The following RNF130 variants were observed in gnomAD, a reference collection of about 807,000 sequenced individuals.
RNF130 encodes ring finger protein 130.
RNF130 carries 21 observed loss-of-function variants against 44.6 expected under a neutral mutation model. The observed-to-expected ratio is 0.47, with a 90% CI of 0.33 to 0.68. RNF130 has a LOEUF of 0.68. Ranked by LOEUF, RNF130 falls within the 30% of genes least tolerant of loss-of-function variation. RNF130 has a pLI of 0.02. For synonymous variants in RNF130, 214 were observed against 210.4 expected, an observed-to-expected ratio of 1.02 and a Z score of -0.15; for missense variants, 479 against 560.6, an observed-to-expected ratio of 0.85 and a Z score of 1.47.
intron 3 of RNF130, among the ~76,000 whole-genome samples, chr5:179,983,427 A>C (rs1412802959): frequency 6.6e-6 from 1 of 151,884 alleles, no homozygotes; most frequent in Admixed American, 6.6e-5. Context: ...TACCTTTCTA[A>C]ATCTGTCAAA....
chr5:179,990,053 C>T (rs1763043532), intron 3 of RNF130, among the ~76,000 whole-genome samples: 1 of 152,018 alleles, frequency 6.6e-6, no homozygotes, highest in Admixed American at 6.6e-5. Flanking sequence ...GGGTTTTTCT[C>T]CCCATGTGTG....
intron 1 of RNF130, among the ~76,000 whole-genome samples, chr5:180,045,780 A>G (rs1344613637): frequency 6.6e-6 from 1 of 152,102 alleles, no homozygotes; most frequent in Non-Finnish European, 1.5e-5. Context: ...CCAAGTCCCC[A>G]CCAGATTAGC....
chr5:179,985,547 C>G (rs894205992), intron 3 of RNF130, among the ~76,000 whole-genome samples: 7 of 152,044 alleles, frequency 4.6e-5, no homozygotes, highest in African/African-American at 7.2e-5. Flanking sequence ...TATCCAATAT[C>G]AAAAAAACGT....
At chr5:179,925,023 G>A (rs945232002) in intron 7 of RNF130, among the ~76,000 whole-genome samples, 10 of 152,172 alleles carry the variant, frequency 6.6e-5, no homozygotes, top group African/African-American at 2.4e-4. Flanking sequence ...ATGAATTAAA[G>A]CTATCTGCCA....
At position 179,998,108 on chromosome 5, in the gene RNF130, C is replaced by A. The variant is rs767194554; in HGVS notation, c.693+14953G>T. On this transcript the variant is annotated intron_variant, in intron 3 of 8. Coordinates refer to ENST00000521389, the MANE Select transcript of RNF130 (RefSeq NM_018434.6). The stretch of plus-strand genomic sequence containing the variant: ...GCCACCTTGGCCTCCCAAAGTGCTG[C>A]GATTAGAGGCGTGAGCCACTGTGCT... Among the ~76,000 whole-genome samples the A allele has an allele frequency of 2.6e-5, 4 of 152,096 alleles. No individual in the cohort carries two copies. In the South Asian group the frequency reaches 8.3e-4, roughly 32 times the overall value.
chr5:180,012,169 C>T (rs1163347293), intron 3 of RNF130, among the ~76,000 whole-genome samples: 2 of 152,148 alleles, frequency 1.3e-5, no homozygotes, highest in Admixed American at 6.6e-5. Flanking sequence ...GGGATGTGAG[C>T]TGAGACCTGT....
intron 3 of RNF130, among the ~76,000 whole-genome samples, chr5:179,988,654 A>C (rs10070664): frequency 0.14 from 22,002 of 152,138 alleles, 3,877 homozygotes; most frequent in African/African-American, 0.42. Context: ...ATATTCATCA[A>C]CCTTATGGCA....
intron 3 of RNF130, among the ~76,000 whole-genome samples, chr5:179,982,973 G>A (rs541521521): frequency 2.0e-5 from 3 of 152,108 alleles, no homozygotes; most frequent in Non-Finnish European, 4.4e-5. Flanking sequence ...TGTCTGTGGT[G>A]AAGTGTCTGT....
chr5:179,977,296 G>T lies in RNF130; in HGVS notation c.848+907C>A, dbSNP rs186793306. 1.3e-5 allele frequency: 2 copies of T among 152,414 alleles called. No individual in the cohort carries two copies. Among genetic ancestry groups the T allele is most frequent in the South Asian group, 2.1e-4 (1 of 4,824 alleles). 9.4% of individuals were successfully genotyped at this position (152,414 alleles called of 1,614,324 possible). Reference sequence around the variant, plus strand: ...TTCCATTTTGCATAATCCAGGTTTAGAAAAAGATTTAATCCAAGTCCCTGG... The same window carrying T: ...TTCCATTTTGCATAATCCAGGTTTATAAAAAGATTTAATCCAAGTCCCTGG... On this transcript the variant is annotated intron_variant, in intron 5 of 8. Coordinates refer to ENST00000521389, the MANE Select transcript of RNF130 (RefSeq NM_018434.6). This position sits in a 1 kb window ranked among gnomAD's most constrained non-coding sequence, Gnocchi z 4.1.
rs547423657 is a variant in RNF130 at position 179,929,635 on chromosome 5, C to T, written c.1151-9209G>A. The stretch of plus-strand genomic sequence containing the variant: ...TGGGGGTGCATGCCTGTAGTCCCAG[C>T]TATTCAGGAGGCTGAGGTGGGAGGA... On this transcript the variant is annotated intron_variant, in intron 7 of 7. Transcript: ENST00000522208. Among the ~76,000 whole-genome samples the T allele has an allele frequency of 1.4e-4, 22 of 152,178 alleles. No homozygotes were observed. The East Asian group carries it at 3.1e-3, about 21-fold the overall frequency.
intron 3 of RNF130, among the ~76,000 whole-genome samples, chr5:179,994,091 G>C (rs1460672459): frequency 2.0e-5 from 3 of 152,174 alleles, no homozygotes; most frequent in Non-Finnish European, 4.4e-5. Flanking sequence ...CTATATCTCT[G>C]TTTTGGTACC....
intron 2 of RNF130, among the ~76,000 whole-genome samples, chr5:180,017,708 A>T (rs1311390578): frequency 6.6e-6 from 1 of 152,220 alleles, no homozygotes; most frequent in Non-Finnish European, 1.5e-5. Flanking sequence ...TAATGAGGAA[A>T]AAAAGTGGGA....
At chr5:180,026,569 C>T (rs1015243122) in intron 2 of RNF130, among the ~76,000 whole-genome samples, 10 of 152,262 alleles carry the variant, frequency 6.6e-5, no homozygotes, top group African/African-American at 1.4e-4. Context: ...CTGGAACAGA[C>T]GTCCTTCAGT....
intron 2 of RNF130, among the ~76,000 whole-genome samples, chr5:180,028,215 C>T (rs1463166364): frequency 6.6e-6 from 1 of 152,188 alleles, no homozygotes; most frequent in Non-Finnish European, 1.5e-5. Flanking sequence ...TCTCTGACCC[C>T]TTGGACCTAA....
At chr5:179,969,459 A>C (rs1407380047) in intron 6 of RNF130, among the ~76,000 whole-genome samples, 2 of 152,052 alleles carry the variant, frequency 1.3e-5, no homozygotes, top group African/African-American at 2.4e-5. Flanking sequence ...TTATGACTGG[A>C]ACAGAGTCAA....
chr5:180,013,953 C>G (rs1212319117), intron 2 of RNF130, among the ~76,000 whole-genome samples: 1 of 152,224 alleles, frequency 6.6e-6, no homozygotes, highest in Non-Finnish European at 1.5e-5. Flanking sequence ...ACATCTGAAA[C>G]TAACTTGGGT....
In RNF130 at chr5:179,961,875, G is replaced by A. The variant is rs183389504; in HGVS notation, c.1244+1596C>T. ...GTCATCTGACTCACACAACTTCAAT[G>A]GCACTGCAGTGGCATTGGCTTGGCT... On this transcript the variant is annotated intron_variant, in intron 8 of 8. Transcript: ENST00000521389. 1.2e-3 allele frequency among the ~76,000 whole-genome samples: 184 copies of A among 152,254 alleles called. 2 individuals carry two copies. Among genetic ancestry groups the A allele is most frequent in the African/African-American group, 4.4e-3 (181 of 41,560 alleles).
At chr5:179,960,595 A>T (rs1291537165) in intron 8 of RNF130, among the ~76,000 whole-genome samples, 1 of 152,212 alleles carries the variant, frequency 6.6e-6, no homozygotes, top group Non-Finnish European at 1.5e-5. Flanking sequence ...CACTGCCCTG[A>T]CATCTTGCCC....
intron 7 of RNF130, among the ~76,000 whole-genome samples, chr5:179,943,438 T>G (rs1358630218): frequency 6.6e-6 from 1 of 152,222 alleles, no homozygotes; most frequent in Non-Finnish European, 1.5e-5. Flanking sequence ...CTTCCAACCT[T>G]TTTTACTATT....
Sources: allele counts gnomAD v4.1 joint callset (sites outside exome capture counted in the v4.1 genomes callset), GRCh38; gene constraint gnomAD v4.1.1; non-coding constraint Gnocchi (gnomAD v3.1); transcripts MANE v1.5; gene names NCBI Gene and HGNC (gene_info 2026-07-23, HGNC 2026-07-21).